Variants in ATP13A4 observed in about 807,000 individuals in gnomAD.
ATP13A4 encodes the protein ATPase 13A4.
A neutral mutation model predicts 142.5 loss-of-function variants in ATP13A4; 114 were observed. The ratio of observed to expected loss-of-function variants is 0.80; its 90% CI spans 0.69 to 0.93. ATP13A4 has a LOEUF of 0.93. ATP13A4 is among the 40% of genes least tolerant of loss of function. The probability of loss-of-function intolerance (pLI) is 0.00; values close to 1 mark genes in which losing one functional copy is unlikely to be tolerated. For synonymous variants in ATP13A4, 488 were observed against 514.8 expected (o/e 0.95, Z 0.70); for missense variants, 1,392 against 1,454.0 (o/e 0.96, Z 0.69).
At chr3:193,484,119 G>A in intron 7 of ATP13A4, 114 bp from the exon 8 acceptor site, 1 of 884,108 alleles carries the variant, frequency 1.1e-6, no homozygotes, top group Non-Finnish European at 1.9e-6. Context: ...CAGTTGAATG[G>A]AATGTACTGG....
intron 1 of ATP13A4, among the ~76,000 whole-genome samples, chr3:193,533,978 TAG>T (rs1414312789): frequency 1.3e-5 from 2 of 152,162 alleles, no homozygotes; most frequent in Non-Finnish European, 2.9e-5. Context: ...GGAAGCCCAG[TAG>T]AGAGTTAGAA....
At chr3:193,451,724 A>T (rs1291276311) in intron 17 of ATP13A4, among the ~76,000 whole-genome samples, 1 of 152,228 alleles carries the variant, frequency 6.6e-6, no homozygotes, top group Non-Finnish European at 1.5e-5. Flanking sequence ...AAAGGATGAA[A>T]TATGCATGAA....
Position 193,467,444 on chromosome 3 carries a change from T to C in ATP13A4, c.986A>G (p.Asp329Gly), listed in dbSNP as rs1317768520. 6 of 1,613,816 alleles carry C rather than the reference T, an allele frequency of 3.7e-6. No individual in the cohort carries two copies. The Admixed American group carries it at 5.0e-5, about 13-fold the overall frequency. ...CTGTGTTTTCCAGGGCACAGAGCTA[T>C]CCATCTTGGGTAACGGAGTTTTGGT... is the stretch of plus-strand genomic sequence containing the variant. ...PVTKTPLPKM[D>G]SSVPWKTQSE... Residue 329 changes from aspartate to glycine, a missense_variant, in exon 10 of 30, where the codon GAT (aspartate) becomes GGT (glycine). Asp to Gly is a moderately conservative substitution (Grantham distance 94, BLOSUM62 -1). Coordinates refer to ENST00000342695, the MANE Select transcript of ATP13A4 (RefSeq NM_032279.4).
At chr3:193,547,635 T>G (rs1330954402) in intron 1 of ATP13A4, among the ~76,000 whole-genome samples, 1 of 152,214 alleles carries the variant, frequency 6.6e-6, no homozygotes, top group East Asian at 1.9e-4. Context: ...CAGTTCTGTA[T>G]GCATAGCTCT....
At chr3:193,456,907 C>T (rs1717646737) in intron 16 of ATP13A4, 93 bp downstream of exon 16, 1 of 1,461,374 alleles carries the variant, frequency 6.8e-7, no homozygotes, top group Admixed American at 2.0e-5. Flanking sequence ...GGTGATGACC[C>T]ATAGGCGATT....
In ATP13A4 at chr3:193,454,339, C is replaced by CA. The variant is rs1717453941; in HGVS notation, c.1916-128dup. The stretch of plus-strand genomic sequence containing the variant: ...CTTCTACAAAGATATGTAAACAAGT[C>CA]AGTTGAAAATTCTAAACATAACTAC... On this transcript the variant is annotated intron_variant, in intron 16 of 29. Transcript: ENST00000342695. 8.2e-6 allele frequency: 6 copies of CA among 732,984 alleles called. 1 individual carries two copies. Among genetic ancestry groups the CA allele is most frequent in the Non-Finnish European group, 1.4e-5 (6 of 415,090 alleles). 45.4% of individuals were successfully genotyped at this position (732,984 alleles called of 1,614,324 possible).
chr3:193,439,074 G>T lies in ATP13A4; in HGVS notation c.2520-9C>A. Reference sequence around the variant, plus strand: ...ACATACCTACAAAGTAACTAAGAGGGAACCACATTAATTGTAGATGAGATC... The same window carrying T: ...ACATACCTACAAAGTAACTAAGAGGTAACCACATTAATTGTAGATGAGATC... On this transcript the variant is annotated splice_polypyrimidine_tract_variant and intron_variant, in intron 21 of 29. Coordinates refer to ENST00000342695, the MANE Select transcript of ATP13A4 (RefSeq NM_032279.4). The T allele has an allele frequency of 6.2e-7, 1 of 1,600,186 alleles. No individual in the cohort carries two copies. Among genetic ancestry groups the T allele is most frequent in the South Asian group, 1.1e-5 (1 of 90,776 alleles).
Position 193,412,269 on chromosome 3 carries a change from A to G in ATP13A4, c.3117T>C (p.Thr1039=). 1 of 1,613,390 alleles carries G rather than the reference A, an allele frequency of 6.2e-7. No individual in the cohort carries two copies. The highest frequency in any genetic ancestry group is 8.5e-7 in the Non-Finnish European group (1 of 1,179,322). ...TGATTGTTCCCAAGAACCAGACTGT[A>G]GTGTTCTCAAAACTTGTGAAGGTGC... ...SNSTFTSFEN[T]TVWFLGTINC... Residue 1039 remains threonine, a synonymous_variant, in exon 27 of 30, where the codon ACT becomes ACC. Coordinates refer to ENST00000342695, the MANE Select transcript of ATP13A4 (RefSeq NM_032279.4).
At chr3:193,412,454 AC>A in intron 26 of ATP13A4, 83 bp from the exon 27 acceptor site, 1 of 1,342,514 alleles carries the variant, frequency 7.4e-7, no homozygotes, top group Non-Finnish European at 1.1e-6. Flanking sequence ...TCCATACCAA[AC>A]AGTGTCCAGA....
intron 25 of ATP13A4, among the ~76,000 whole-genome samples, chr3:193,416,393 T>C (rs1304534874): frequency 2.0e-5 from 3 of 152,138 alleles, no homozygotes; most frequent in Non-Finnish European, 4.4e-5. Context: ...ACAACTATCT[T>C]AAATATGCTG....
chr3:193,488,811 G>A (rs2108662668), intron 7 of ATP13A4, among the ~76,000 whole-genome samples: 1 of 152,262 alleles, frequency 6.6e-6, no homozygotes, highest in South Asian at 2.1e-4. Flanking sequence ...TTTTAAGTTG[G>A]GAGAACTTGA....
intron 29 of ATP13A4, chr3:193,403,980 A>G (rs1358207144): frequency 1.0e-6 from 1 of 985,304 alleles, no homozygotes; most frequent in Non-Finnish European, 1.2e-6. Flanking sequence ...TGCCCATGAA[A>G]GGATAGAGAA....
intron 28 of ATP13A4, among the ~76,000 whole-genome samples, chr3:193,408,854 C>A (rs758411810): frequency 1.8e-4 from 28 of 152,204 alleles, no homozygotes; most frequent in Non-Finnish European, 2.5e-4. Context: ...CTTCCTCTGG[C>A]TTTCTATTCC....
In ATP13A4 at chr3:193,414,692, G is replaced by C; in HGVS notation, c.2901C>G (p.Ile967Met). ...TCACAGAGAGTAGCAGAGGTGGAGA[G>C]ATCAGCCGTCCTGCAGGTCTGAAAG... ...LVPFRPAGRL[I>M]SPPLLLSVIF... Residue 967 changes from isoleucine to methionine, a missense_variant, in exon 26 of 30, where the codon ATC (isoleucine) becomes ATG (methionine). Physicochemically the swap from Ile to Met is conservative, Grantham distance 10 (BLOSUM62 1). Transcript: ENST00000342695. 3 of 1,614,162 alleles carry C rather than the reference G, an allele frequency of 1.9e-6. No homozygotes were observed. The highest frequency in any genetic ancestry group is 2.5e-6 in the Non-Finnish European group (3 of 1,180,022).
At chr3:193,524,802 T>C (rs1417945982) in intron 1 of ATP13A4, among the ~76,000 whole-genome samples, 1 of 152,184 alleles carries the variant, frequency 6.6e-6, no homozygotes, top group African/African-American at 2.4e-5. Context: ...GTTATTATTA[T>C]GGGGGAAATT....
intron 1 of ATP13A4, among the ~76,000 whole-genome samples, chr3:193,591,148 C>G (rs1187630895): frequency 3.3e-5 from 5 of 152,264 alleles, no homozygotes; most frequent in African/African-American, 1.2e-4. Flanking sequence ...ACTGCAACCT[C>G]TGCCTCCTGG....
chr3:193,470,775 G>T, intron 9 of ATP13A4, 84 bp downstream of exon 9: 2 of 1,593,766 alleles, frequency 1.3e-6, no homozygotes, highest in East Asian at 2.2e-5. Context: ...TGTCATTCAG[G>T]TAGAGGAGGA....
chr3:193,583,249 G>A (rs10937592), intron 1 of ATP13A4, among the ~76,000 whole-genome samples: 79,059 of 150,894 alleles, frequency 0.52, 21,421 homozygotes, highest in African/African-American at 0.66. Context: ...CCTGGCCAAC[G>A]TGGCGAAACC....
At chr3:193,477,055 T>C (rs559997011) in intron 8 of ATP13A4, among the ~76,000 whole-genome samples, 2 of 151,920 alleles carry the variant, frequency 1.3e-5, no homozygotes, top group African/African-American at 2.4e-5. Flanking sequence ...AAATCTTCAG[T>C]TGGAAAAAAA....
Sources: gnomAD v4.1 joint callset for allele counts (sites outside exome capture counted in the v4.1 genomes callset) on GRCh38, gnomAD v4.1.1 for gene constraint, MANE v1.5 for transcripts, NCBI Gene and HGNC (gene_info 2026-07-23, HGNC 2026-07-21) for gene names.